The following IGF2BP3 variants were observed in gnomAD, a reference collection of about 807,000 sequenced individuals.
IGF2BP3 encodes insulin like growth factor 2 mRNA binding protein 3.
IGF2BP3 carries 9 observed loss-of-function variants against 73.8 expected under a neutral mutation model. That is an observed-to-expected ratio of 0.12 (90% CI 0.07 to 0.21). The LOEUF is 0.21. IGF2BP3 is among the 10% of genes least tolerant of loss of function. IGF2BP3 has a pLI of 1.00. For synonymous variants in IGF2BP3, 258 were observed against 256.7 expected, an observed-to-expected ratio of 1.01 and a Z score of -0.05; for missense variants, 542 against 714.0, an observed-to-expected ratio of 0.76 and a Z score of 2.75.
chr7:23,426,295 G>A (rs1298454426), intron 2 of IGF2BP3, among the ~76,000 whole-genome samples: 2 of 134,066 alleles, frequency 1.5e-5, no homozygotes, highest in African/African-American at 2.8e-5. Flanking sequence ...ACTCCAGCCT[G>A]GGCAGTAAGA....
intron 10 of IGF2BP3, among the ~76,000 whole-genome samples, chr7:23,325,999 G>A (rs1255588812): frequency 6.6e-6 from 1 of 152,132 alleles, no homozygotes; most frequent in Non-Finnish European, 1.5e-5. Context: ...TCAGGACATA[G>A]GCATGGGCAA....
chr7:23,436,371 G>C (rs184872288), intron 2 of IGF2BP3, among the ~76,000 whole-genome samples: 4 of 152,296 alleles, frequency 2.6e-5, no homozygotes, highest in Admixed American at 2.6e-4. Context: ...AATTTGGGGA[G>C]GTGTGGCATT....
intron 3 of IGF2BP3, chr7:23,365,991 A>G (rs891026795): frequency 4.6e-5 from 7 of 152,236 alleles, no homozygotes; most frequent in African/African-American, 1.7e-4. Flanking sequence ...CGATCATCAA[A>G]TATGTTAAAG....
chr7:23,342,291 GAAATGAT>G, intron 9 of IGF2BP3, 102 bp from the exon 10 acceptor site: 1 of 1,281,750 alleles, frequency 7.8e-7, no homozygotes, highest in African/African-American at 1.5e-5. Context: ...GTCTAATAAA[GAAATGAT>G]TGTATAACTC....
chr7:23,421,300 G>A (rs560170349), intron 2 of IGF2BP3, among the ~76,000 whole-genome samples: 85 of 152,232 alleles, frequency 5.6e-4, no homozygotes, highest in Admixed American at 1.2e-3. Flanking sequence ...ATGAGCCACT[G>A]TGCCTGGCAG....
chr7:23,312,859 T>C lies in IGF2BP3; in HGVS notation c.1528-11A>G, dbSNP rs376575098. ...CTGAAGTTCATTCACCTGAAAGAGA[T>C]AAATATAAATCACATTAAGTGGCAG... On this transcript the variant is annotated splice_polypyrimidine_tract_variant and intron_variant, in intron 13 of 14. Transcript: ENST00000258729. 4 of 1,566,460 alleles carry C rather than the reference T, an allele frequency of 2.6e-6. No homozygotes were observed. The highest frequency in any genetic ancestry group is 3.5e-6 in the Non-Finnish European group (4 of 1,143,564).
intron 10 of IGF2BP3, among the ~76,000 whole-genome samples, chr7:23,333,907 C>A (rs549746542): frequency 1.3e-5 from 2 of 152,186 alleles, no homozygotes; most frequent in Non-Finnish European, 2.9e-5. Context: ...ATCCATGAAG[C>A]ATCTTCTTAA....
At chr7:23,464,131 A>C (rs1479833805) in intron 2 of IGF2BP3, among the ~76,000 whole-genome samples, 1 of 152,192 alleles carries the variant, frequency 6.6e-6, no homozygotes, top group Non-Finnish European at 1.5e-5. Context: ...GGCAGCATTG[A>C]AGGATCATGT....
intron 6 of IGF2BP3, among the ~76,000 whole-genome samples, chr7:23,349,348 A>C (rs1039665204): frequency 1.3e-5 from 2 of 152,176 alleles, no homozygotes; most frequent in Non-Finnish European, 2.9e-5. Context: ...TCAAGAGTAA[A>C]AGATAAAACT....
intron 3 of IGF2BP3, among the ~76,000 whole-genome samples, chr7:23,404,370 G>A (rs1786763088): frequency 6.6e-6 from 1 of 152,096 alleles, no homozygotes; most frequent in Non-Finnish European, 1.5e-5. Flanking sequence ...GCCAGAGTAA[G>A]CTAATTAAAC....
At chr7:23,367,922 C>G in intron 3 of IGF2BP3, among the ~76,000 whole-genome samples, 1 of 152,034 alleles carries the variant, frequency 6.6e-6, no homozygotes, top group East Asian at 1.9e-4. Flanking sequence ...AATCCTTGAA[C>G]CCGGGAGGCA....
chr7:23,425,965 C>CAA (rs111252889), intron 2 of IGF2BP3, among the ~76,000 whole-genome samples: 1 of 137,268 alleles, frequency 7.3e-6, no homozygotes, highest in East Asian at 2.1e-4. Context: ...GATCCTATCT[C>CAA]AAAAAAAACA....
intron 2 of IGF2BP3, among the ~76,000 whole-genome samples, chr7:23,430,992 G>C (rs1787660142): frequency 6.6e-6 from 1 of 152,128 alleles, no homozygotes; most frequent in East Asian, 1.9e-4. Flanking sequence ...TTATGACACT[G>C]TTCACTGAAA....
intron 3 of IGF2BP3, among the ~76,000 whole-genome samples, chr7:23,373,376 G>C (rs1306068550): frequency 6.6e-6 from 1 of 152,156 alleles, no homozygotes. Flanking sequence ...CTCTCCAGGT[G>C]TTTTTAGAAG....
rs531245529 is a variant in IGF2BP3, at chr7:23,366,626, C to G, written c.286-4885G>C. Among the ~76,000 whole-genome samples the G allele has an allele frequency of 3.2e-4, 48 of 150,418 alleles. 2 individuals are homozygous for G. Among genetic ancestry groups the G allele is most frequent in the African/African-American group, 1.2e-3 (48 of 41,012 alleles). The stretch of plus-strand genomic sequence containing the variant: ...TAGAAGAAATAGGTGCAGAATCAAT[C>G]TTGGTACCTAGCTGTGGAAAAAATT... On this transcript the variant is annotated intron_variant, in intron 3 of 14. Transcript: ENST00000258729.
At chr7:23,415,060 G>A (rs953363680) in intron 3 of IGF2BP3, 6 of 198,482 alleles carry the variant, frequency 3.0e-5, no homozygotes, top group African/African-American at 1.2e-4. Context: ...CACCCCACCC[G>A]CAGGTCCCCA....
At chr7:23,448,708 G>A (rs1788123827) in intron 2 of IGF2BP3, among the ~76,000 whole-genome samples, 2 of 152,172 alleles carry the variant, frequency 1.3e-5, no homozygotes, top group South Asian at 4.1e-4. Context: ...TCAGCTCAGT[G>A]CAGCCTCCAC....
intron 10 of IGF2BP3, among the ~76,000 whole-genome samples, chr7:23,332,968 C>T (rs1249588887): frequency 6.6e-6 from 1 of 152,192 alleles, no homozygotes; most frequent in Non-Finnish European, 1.5e-5. Context: ...GTGATAAAGA[C>T]CTTTTCAATG....
At chr7:23,449,719 C>T (rs921463085) in intron 2 of IGF2BP3, among the ~76,000 whole-genome samples, 4 of 151,732 alleles carry the variant, frequency 2.6e-5, no homozygotes, top group South Asian at 2.1e-4. Context: ...TACCACACCC[C>T]GCTCATTTTT....
Sources: gnomAD v4.1 joint callset for allele counts (sites outside exome capture counted in the v4.1 genomes callset) on GRCh38, gnomAD v4.1.1 for gene constraint, MANE v1.5 for transcripts, NCBI Gene and HGNC (gene_info 2026-07-23, HGNC 2026-07-21) for gene names.